The following DAPK3 variants were observed in gnomAD, a reference collection of about 807,000 sequenced individuals.
The protein encoded by DAPK3 is death-associated protein kinase 3.
Under a neutral mutation model 30.6 loss-of-function variants are expected in DAPK3, and 24 were observed. The ratio of observed to expected loss-of-function variants is 0.78; its 90% CI spans 0.57 to 1.10. The LOEUF (loss-of-function observed/expected upper bound fraction) is 1.10, where lower values mean the gene tolerates loss of function less well. Ranked by LOEUF, DAPK3 falls within the 50% of genes least tolerant of loss-of-function variation. The probability of loss-of-function intolerance (pLI) is 0.00; values close to 1 mark genes in which losing one functional copy is unlikely to be tolerated. For missense variants in DAPK3, 629 were observed against 657.3 expected (o/e 0.96, Z 0.47); for synonymous variants, 341 against 284.0 (o/e 1.20, Z -2.02).
intron 2 of DAPK3, among the ~76,000 whole-genome samples, chr19:3,966,715 C>T (rs1044915548): frequency 3.9e-5 from 6 of 152,228 alleles, no homozygotes; most frequent in Admixed American, 3.9e-4. Context: ...GGCCGCTGCA[C>T]ACCTGGACAA....
chr19:3,960,129 G>T lies in DAPK3; in HGVS notation c.783-25C>A, dbSNP rs116661196. ...CCTGGAAGACCCCCGCTCTGGTTAGGTACACCTGCACCATCTGTCCCGTCC... is the reference window on the plus strand; with the variant it reads ...CCTGGAAGACCCCCGCTCTGGTTAGTTACACCTGCACCATCTGTCCCGTCC... On this transcript the variant is annotated intron_variant, in intron 7 of 8. Transcript: ENST00000545797. 1.5e-3 allele frequency: 2,105 copies of T among 1,379,458 alleles called. 25 individuals carry two copies. The African/African-American group carries it at 0.027, about 18-fold the overall frequency. 85.5% of individuals were successfully genotyped at this position (1,379,458 alleles called of 1,614,324 possible).
intron 2 of DAPK3, among the ~76,000 whole-genome samples, chr19:3,966,853 T>A (rs1177641993): frequency 6.6e-6 from 1 of 152,214 alleles, no homozygotes; most frequent in Non-Finnish European, 1.5e-5. Context: ...CCGGTCTCAC[T>A]GGCCACAGAC....
chr19:3,959,803 A>G lies in DAPK3; in HGVS notation c.829-166T>C, dbSNP rs138342270. 1.8e-3 allele frequency: 1,491 copies of G among 819,550 alleles called. 6 individuals carry two copies. The highest frequency in any genetic ancestry group is 2.3e-3 in the Non-Finnish European group (1,257 of 537,260). 50.8% of individuals were successfully genotyped at this position (819,550 alleles called of 1,614,324 possible). On this transcript the variant is annotated intron_variant, in intron 8 of 8. Coordinates refer to ENST00000545797, the MANE Select transcript of DAPK3 (RefSeq NM_001348.3). ...GCAAAGCCGAGAGTGCTCTCTCGAG[A>G]AAAACGCTGCGGCCCTGGCCCCAGG...
intron 6 of DAPK3, 142 bp from the exon 7 acceptor site, chr19:3,961,303 A>G (rs2039508679): frequency 1.3e-6 from 1 of 748,932 alleles, no homozygotes; most frequent in African/African-American, 1.7e-5. Context: ...GAGCCCTTAG[A>G]ACCTTCCTGC....
At chr19:3,960,936 C>A (rs934738953) in intron 7 of DAPK3, 73 bp downstream of exon 7, 107 of 1,537,800 alleles carry the variant, frequency 7.0e-5, no homozygotes, top group Non-Finnish European at 8.6e-5. Context: ...GAGGAGAGTC[C>A]TCTGGAGCCT....
chr19:3,958,648 T>A lies in DAPK3; in HGVS notation c.*453A>T, dbSNP rs2039466572. On this transcript the variant is annotated 3_prime_UTR_variant, in exon 9 of 9. Transcript: ENST00000545797. ...GCCACCCAGCAGCGTGGGGACTGCC[T>A]GTCCGCCGTCCATCCCACCCTCCCC... The A allele has an allele frequency of 5.1e-6, 2 of 389,700 alleles. No homozygotes were observed. Among genetic ancestry groups the A allele is most frequent in the Admixed American group, 6.0e-5 (2 of 33,474 alleles). The allele number at this position is 389,700 out of a possible 1,614,324, so 24.1% of individuals were successfully genotyped here.
At chr19:3,960,407 G>A (rs981138434) in intron 7 of DAPK3, among the ~76,000 whole-genome samples, 2 of 152,098 alleles carry the variant, frequency 1.3e-5, no homozygotes, top group Admixed American at 6.6e-5. Flanking sequence ...GTGTTTACAG[G>A]AAAACAAGTG....
intron 4 of DAPK3, 130 bp from the exon 5 acceptor site, chr19:3,964,049 C>T: frequency 2.5e-6 from 2 of 806,028 alleles, no homozygotes; most frequent in South Asian, 3.2e-5. Flanking sequence ...CAGAGCTGGC[C>T]CTCAGGGCCT....
At position 3,959,411 on chromosome 19, in the gene DAPK3, T is replaced by A. The variant is rs1302855545; in HGVS notation, c.1055A>T (p.Asp352Val). Reference protein sequence around the residue: ...LQRSRRLCHEDVEALAAIYEE... With the variant: ...LQRSRRLCHEVVEALAAIYEE... ...GTAGATGGCGGCCAGCGCCTCCACG[T>A]CCTCGTGGCAGAGCCGCCGGCTGCG... The change falls in exon 9 of 9, where the codon GAC (aspartate) becomes GTC (valine). Residue 352 changes from aspartate (D) to valine (V), a missense_variant. By Grantham distance (152) the Asp-to-Val change is radical. Coordinates refer to ENST00000545797, the MANE Select transcript of DAPK3 (RefSeq NM_001348.3). 1.3e-6 allele frequency: 2 copies of A among 1,561,518 alleles called. No individual in the cohort carries two copies. Among genetic ancestry groups the A allele is most frequent in the Admixed American group, 1.8e-5 (1 of 54,172 alleles).
chr19:3,969,688 C>A lies in DAPK3; in HGVS notation c.48G>T (p.Gly16=). 6.2e-7 allele frequency: 1 copy of A among 1,610,844 alleles called. No individual in the cohort carries two copies. Among genetic ancestry groups the A allele is most frequent in the Non-Finnish European group, 8.5e-7 (1 of 1,177,702 alleles). The change falls in exon 2 of 9, where the codon GGG becomes GGT. Residue 16 remains glycine, a synonymous_variant. Transcript: ENST00000545797. The part of the protein sequence containing the change: ...QEDVEDHYEM[G]EELGSGQFAI... ...AGACAGCTCACCTGCCCAGCTCCTC[C>A]CCCATCTCATAATGGTCCTCCACGT...
intron 2 of DAPK3, among the ~76,000 whole-genome samples, chr19:3,969,391 T>G (rs1455381767): frequency 6.6e-6 from 1 of 152,160 alleles, no homozygotes; most frequent in African/African-American, 2.4e-5. Context: ...CAAAAGCAGC[T>G]GGCATCTGTT....
Position 3,964,832 on chromosome 19 carries a change from G to A in DAPK3, c.222C>T (p.Pro74=). 2 of 1,612,942 alleles carry A rather than the reference G, an allele frequency of 1.2e-6. No individual in the cohort carries two copies. The highest frequency in any genetic ancestry group is 2.2e-5 in the East Asian group (1 of 44,816). The change falls in exon 3 of 9, where the codon CCC becomes CCT. Residue 74 remains proline (P), a synonymous_variant. Transcript: ENST00000545797. ...AGATGTCGTGCAGGGTGATGATGTT[G>A]GGGTGCCGGATCTCCCGCAGGATGT... ...EVNILREIRH[P]NIITLHDIFE...
intron 7 of DAPK3, 105 bp from the exon 8 acceptor site, chr19:3,960,209 C>T (rs2039494025): frequency 1.5e-6 from 1 of 684,018 alleles, no homozygotes; most frequent in Admixed American, 2.3e-5. Flanking sequence ...CGCCCCCCAG[C>T]CTCTGCTCAG....
intron 2 of DAPK3, among the ~76,000 whole-genome samples, chr19:3,968,977 G>A (rs1346167912): frequency 1.3e-5 from 2 of 152,218 alleles, no homozygotes; most frequent in African/African-American, 4.8e-5. Context: ...CTGCCTCCCT[G>A]GAAGAGGAAA....
At position 3,964,820 on chromosome 19, in the gene DAPK3, G is replaced by C; in HGVS notation, c.234C>G (p.Thr78=). Residue 78 remains threonine (T), a synonymous_variant, in exon 3 of 9, where the codon ACC becomes ACG. Transcript: ENST00000545797. ...TCTTGTTCTCGAAGATGTCGTGCAGGGTGATGATGTTGGGGTGCCGGATCT... is the reference window on the plus strand; with the variant it reads ...TCTTGTTCTCGAAGATGTCGTGCAGCGTGATGATGTTGGGGTGCCGGATCT... The part of the protein sequence containing the change: ...LREIRHPNII[T]LHDIFENKTD... 6.2e-7 allele frequency: 1 copy of C among 1,612,848 alleles called. No individual in the cohort carries two copies. Among genetic ancestry groups the C allele is most frequent in the Non-Finnish European group, 8.5e-7 (1 of 1,179,070 alleles).
At position 3,961,180 on chromosome 19, in the gene DAPK3, G is replaced by A. The variant is rs2039507201; in HGVS notation, c.630-19C>T. The A allele has an allele frequency of 6.2e-7, 1 of 1,602,776 alleles. No individual in the cohort carries two copies. Among genetic ancestry groups the A allele is most frequent in the Admixed American group, 1.7e-5 (1 of 59,692 alleles). On this transcript the variant is annotated intron_variant, in intron 6 of 8. Coordinates refer to ENST00000545797, the MANE Select transcript of DAPK3 (RefSeq NM_001348.3). ...GCTCAGGCTGCGAGACAGGCGTGGG[G>A]GCTCAGTGGGGTCCTGGGCTCCCAC...
At position 3,963,880 on chromosome 19, in the gene DAPK3, G is replaced by A. The variant is rs1337566793; in HGVS notation, c.593C>T (p.Ala198Val). ...CAGGTGGTACACTCACCACATGTCC[G>A]CCTCCAGGCCCAGCGGCTCATAGTT... ...IVNYEPLGLE[A>V]DMWSIGVITY... Residue 198 changes from alanine to valine, a missense_variant, in exon 5 of 9, where the codon GCG becomes GTG. Around this residue, in one of 2 missense-constraint regions of DAPK3, gnomAD observed 306 missense variants for 378.5 expected, o/e 0.81. Coordinates refer to ENST00000545797, the MANE Select transcript of DAPK3 (RefSeq NM_001348.3). 3.8e-6 allele frequency: 6 copies of A among 1,598,338 alleles called. No homozygotes were observed. The African/African-American group carries it at 5.4e-5, about 14-fold the overall frequency.
At chr19:3,961,422 T>C (rs1316736007) in intron 6 of DAPK3, 2 of 615,020 alleles carry the variant, frequency 3.3e-6, no homozygotes, top group Admixed American at 3.7e-5. Context: ...TCGAAGTATC[T>C]GTGCAGACGC....
intron 5 of DAPK3, 36 bp from the exon 6 acceptor site, chr19:3,963,705 T>A: frequency 6.6e-7 from 1 of 1,513,730 alleles, no homozygotes; most frequent in Non-Finnish European, 8.9e-7. Flanking sequence ...CAGCGCAGCG[T>A]GGGGCCGCCC....
Sources: allele counts gnomAD v4.1 joint callset (sites outside exome capture counted in the v4.1 genomes callset), GRCh38; gene constraint gnomAD v4.1.1; regional missense constraint gnomAD v4.1.1; transcripts MANE v1.5; gene names NCBI Gene and HGNC (gene_info 2026-07-23, HGNC 2026-07-21).